The following UBE2E2 variants were observed in gnomAD, a reference collection of about 807,000 sequenced individuals.
UBE2E2 encodes ubiquitin-conjugating enzyme E2 E2.
UBE2E2 carries 6 observed loss-of-function variants against 24.7 expected under a neutral mutation model. The observed-to-expected ratio is 0.24, with a 90% CI of 0.13 to 0.48. The LOEUF is 0.48. UBE2E2 is among the 20% of genes least tolerant of loss of function. The pLI is 0.99. For missense variants in UBE2E2, 169 were observed against 245.0 expected (o/e 0.69, Z 2.07); for synonymous variants, 104 against 83.6 (o/e 1.24, Z -1.33).
intron 3 of UBE2E2, among the ~76,000 whole-genome samples, chr3:23,440,488 A>G (rs1698281236): frequency 6.6e-6 from 1 of 152,206 alleles, no homozygotes; most frequent in Non-Finnish European, 1.5e-5. Context: ...TTACACTTCA[A>G]AATCTGTAAA....
chr3:23,304,141 G>C (rs901733957), intron 3 of UBE2E2, among the ~76,000 whole-genome samples: 1 of 152,142 alleles, frequency 6.6e-6, no homozygotes, highest in Non-Finnish European at 1.5e-5. Flanking sequence ...TGTTTACCTT[G>C]TATAAGATTA....
chr3:23,443,227 A>C (rs1048357159), intron 3 of UBE2E2, among the ~76,000 whole-genome samples: 1 of 152,198 alleles, frequency 6.6e-6, no homozygotes, highest in Non-Finnish European at 1.5e-5. Flanking sequence ...GAATGACCTC[A>C]AATATCATAA....
At chr3:23,287,182 A>T (rs1698638419) in intron 3 of UBE2E2, among the ~76,000 whole-genome samples, 1 of 152,052 alleles carries the variant, frequency 6.6e-6, no homozygotes, top group Admixed American at 6.6e-5. Context: ...CAATGATCAT[A>T]TGGTTTTTGT....
intron 3 of UBE2E2, among the ~76,000 whole-genome samples, chr3:23,361,676 A>G (rs1559361673): frequency 6.6e-6 from 1 of 152,218 alleles, no homozygotes; most frequent in Non-Finnish European, 1.5e-5. Flanking sequence ...ACTCAAGGAA[A>G]GGTTGGGAGC....
At chr3:23,396,326 T>C (rs375555948) in intron 3 of UBE2E2, among the ~76,000 whole-genome samples, 3 of 109,916 alleles carry the variant, frequency 2.7e-5, no homozygotes, top group African/African-American at 7.1e-5. Flanking sequence ...TATGTATATA[T>C]ATACGTATAT....
chr3:23,347,790 G>A (rs916092275), intron 3 of UBE2E2, among the ~76,000 whole-genome samples: 5 of 152,006 alleles, frequency 3.3e-5, no homozygotes, highest in African/African-American at 1.2e-4. Flanking sequence ...CTACTTCTGT[G>A]TCTCAATTTG....
intron 5 of UBE2E2, among the ~76,000 whole-genome samples, chr3:23,581,757 C>T (rs981490694): frequency 2.0e-5 from 3 of 152,116 alleles, no homozygotes; most frequent in African/African-American, 2.4e-5. Context: ...AAAAATTTTT[C>T]GTGTAATTTC....
At chr3:23,429,944 G>A (rs1318629056) in intron 3 of UBE2E2, among the ~76,000 whole-genome samples, 1 of 152,146 alleles carries the variant, frequency 6.6e-6, no homozygotes, top group African/African-American at 2.4e-5. Context: ...GCAGTGGCAC[G>A]ATCTTGGCTC....
chr3:23,570,065 A>AT (rs2125511447), intron 5 of UBE2E2, among the ~76,000 whole-genome samples: 1 of 152,258 alleles, frequency 6.6e-6, no homozygotes, highest in South Asian at 2.1e-4. Flanking sequence ...AACCTGGTCC[A>AT]TTTTTAAACT....
chr3:23,242,882 T>A (rs1032040043), intron 3 of UBE2E2, among the ~76,000 whole-genome samples: 4 of 151,932 alleles, frequency 2.6e-5, no homozygotes, highest in Admixed American at 6.6e-5. Context: ...GGTCAGGAGT[T>A]CGAGACCTGC....
chr3:23,489,221 C>T (rs1483913789), intron 3 of UBE2E2, among the ~76,000 whole-genome samples: 1 of 152,082 alleles, frequency 6.6e-6, no homozygotes, highest in African/African-American at 2.4e-5. Flanking sequence ...ATTTATTATA[C>T]ACTTTATTTA....
At chr3:23,363,626 C>T (rs967267840) in intron 3 of UBE2E2, among the ~76,000 whole-genome samples, 1 of 152,194 alleles carries the variant, frequency 6.6e-6, no homozygotes, top group African/African-American at 2.4e-5. Flanking sequence ...GTACCCACCC[C>T]TGGAGCACCC....
chr3:23,421,362 A>C (rs1380535866), intron 3 of UBE2E2, among the ~76,000 whole-genome samples: 1 of 152,192 alleles, frequency 6.6e-6, no homozygotes, highest in Non-Finnish European at 1.5e-5. Context: ...GGTTTCCATC[A>C]ATGGATGATT....
chr3:23,539,258 A>G (rs1012536238), intron 5 of UBE2E2, among the ~76,000 whole-genome samples: 1 of 152,208 alleles, frequency 6.6e-6, no homozygotes, highest in Admixed American at 6.5e-5. Flanking sequence ...CCTTGGTGAA[A>G]AGGAGCATTA....
Position 23,268,383 on chromosome 3 carries a change from A to G in UBE2E2, c.227+51071A>G, listed in dbSNP as rs544694681. On this transcript the variant is annotated intron_variant, in intron 3 of 5. Transcript: ENST00000396703. ...TCTCAGGATACAAAATCAATGTACA[A>G]AAATCACAAGCATTCTTATACACCA... Among the ~76,000 whole-genome samples the G allele has an allele frequency of 3.9e-5, 6 of 152,200 alleles. No homozygotes were observed. The South Asian group carries it at 8.3e-4, about 21-fold the overall frequency.
intron 3 of UBE2E2, among the ~76,000 whole-genome samples, chr3:23,286,138 G>A (rs1698609726): frequency 6.6e-6 from 1 of 152,114 alleles, no homozygotes; most frequent in African/African-American, 2.4e-5. Flanking sequence ...CTCTTCATTT[G>A]TTGACTGTTT....
chr3:23,510,051 T>C (rs1694555537), intron 4 of UBE2E2, among the ~76,000 whole-genome samples: 1 of 152,188 alleles, frequency 6.6e-6, no homozygotes, highest in South Asian at 2.1e-4. Flanking sequence ...ATTTTTTCTT[T>C]TCATTAGAGT....
chr3:23,435,659 T>C (rs1354609249), intron 3 of UBE2E2, among the ~76,000 whole-genome samples: 1 of 152,206 alleles, frequency 6.6e-6, no homozygotes, highest in East Asian at 1.9e-4. Context: ...GGGTATCCCC[T>C]GGTTCCCATG....
At chr3:23,269,100 C>A (rs111408987) in intron 3 of UBE2E2, among the ~76,000 whole-genome samples, 2 of 151,874 alleles carry the variant, frequency 1.3e-5, no homozygotes, top group African/African-American at 4.8e-5. Context: ...CATAAAAACC[C>A]TAGAAGAAAA....
Sources: gnomAD v4.1 joint callset for allele counts (sites outside exome capture counted in the v4.1 genomes callset) on GRCh38, gnomAD v4.1.1 for gene constraint, MANE v1.5 for transcripts, NCBI Gene and HGNC (gene_info 2026-07-23, HGNC 2026-07-21) for gene names.